Variants in NAALADL2 observed in about 807,000 individuals in gnomAD.
NAALADL2 encodes the protein N-acetylated alpha-linked acidic dipeptidase like 2.
In NAALADL2, 76 loss-of-function variants were observed where a neutral mutation model predicts 87.2. The ratio of observed to expected loss-of-function variants is 0.87; its 90% CI spans 0.72 to 1.05. NAALADL2 has a LOEUF of 1.05. Ranked by LOEUF, NAALADL2 falls within the 50% of genes least tolerant of loss-of-function variation. The probability of loss-of-function intolerance (pLI) is 0.00; values close to 1 mark genes in which losing one functional copy is unlikely to be tolerated. For missense variants in NAALADL2, 1,089 were observed against 945.8 expected (o/e 1.15, Z -1.99); for synonymous variants, 354 against 331.0 (o/e 1.07, Z -0.75).
intron 3 of NAALADL2, among the ~76,000 whole-genome samples, chr3:174,775,315 C>T (rs943509456): frequency 4.6e-5 from 7 of 151,876 alleles, no homozygotes; most frequent in African/African-American, 1.7e-4. Context: ...ATAACTCTAG[C>T]CTCTGCAAAC....
At chr3:174,813,041 A>G (rs1606876) in intron 3 of NAALADL2, among the ~76,000 whole-genome samples, 48,271 of 152,054 alleles carry the variant, frequency 0.32, 8,501 homozygotes, top group African/African-American at 0.48. Context: ...TTTATATTAT[A>G]AAGTATACAG....
intron 2 of NAALADL2, among the ~76,000 whole-genome samples, chr3:174,598,463 A>C (rs1718128212): frequency 6.6e-6 from 1 of 152,152 alleles, no homozygotes; most frequent in African/African-American, 2.4e-5. Flanking sequence ...ATTAAGTGAA[A>C]ATGGTAGATT....
Position 175,256,424 on chromosome 3 carries a change from A to G in NAALADL2, c.833A>G (p.Asp278Gly), listed in dbSNP as rs778612504. 1 of 1,610,100 alleles carries G rather than the reference A, an allele frequency of 6.2e-7. No homozygotes were observed. The highest frequency in any genetic ancestry group is 8.5e-7 in the Non-Finnish European group (1 of 1,178,208). The change falls in exon 4 of 14, where the codon GAT (aspartate) becomes GGT (glycine). Residue 278 changes from aspartate (D) to glycine (G), a missense_variant. By Grantham distance (94) the Asp-to-Gly change is moderately conservative (BLOSUM62 -1). Coordinates refer to ENST00000454872, the MANE Select transcript of NAALADL2 (RefSeq NM_207015.3). Reference sequence around the variant, plus strand: ...CTCCTCTTTCAGGCTGAAGTCATCGATGTGAGTTATGGAATGGCAGATGAT... The same window carrying G: ...CTCCTCTTTCAGGCTGAAGTCATCGGTGTGAGTTATGGAATGGCAGATGAT... The part of the protein sequence containing the change: ...AKGTLKAEVI[D>G]VSYGMADDLK...
chr3:174,619,158 A>G (rs369533258), intron 2 of NAALADL2, among the ~76,000 whole-genome samples: 3 of 152,074 alleles, frequency 2.0e-5, no homozygotes, highest in Admixed American at 6.6e-5. Flanking sequence ...AGATGGGTAG[A>G]TCACTTTGCT....
At chr3:174,992,631 A>G (rs1746890894) in intron 1 of NAALADL2, among the ~76,000 whole-genome samples, 1 of 152,026 alleles carries the variant, frequency 6.6e-6, no homozygotes, top group African/African-American at 2.4e-5. Flanking sequence ...TAATACCTTC[A>G]TCAGTTTTCT....
intron 2 of NAALADL2, among the ~76,000 whole-genome samples, chr3:174,653,724 C>A (rs1578435556): frequency 6.6e-6 from 1 of 152,034 alleles, no homozygotes; most frequent in Admixed American, 6.6e-5. Flanking sequence ...AACAAAAAAA[C>A]TTGACAAGTA....
intron 13 of NAALADL2, among the ~76,000 whole-genome samples, chr3:175,763,920 T>A (rs2150156182): frequency 6.6e-6 from 1 of 152,138 alleles, no homozygotes; most frequent in East Asian, 1.9e-4. Context: ...TTGGTGTGGC[T>A]TTGGAAAAGA....
At chr3:174,741,589 A>C (rs1733765694) in intron 3 of NAALADL2, among the ~76,000 whole-genome samples, 1 of 151,536 alleles carries the variant, frequency 6.6e-6, no homozygotes, top group African/African-American at 2.4e-5. Context: ...TTCTTTCTAA[A>C]GGTATAAAAG....
intron 1 of NAALADL2, among the ~76,000 whole-genome samples, chr3:174,918,986 A>G (rs1029750592): frequency 6.6e-6 from 1 of 152,150 alleles, no homozygotes; most frequent in Non-Finnish European, 1.5e-5. Flanking sequence ...CTCGGTGCAT[A>G]TAAATGTTAT....
At chr3:175,059,640 C>A in intron 1 of NAALADL2, 1 of 361,016 alleles carries the variant, frequency 2.8e-6, no homozygotes. Context: ...TGTTTTTTGG[C>A]TTTCTTTGAT....
intron 2 of NAALADL2, among the ~76,000 whole-genome samples, chr3:174,627,935 A>G (rs998461035): frequency 4.6e-5 from 7 of 152,184 alleles, no homozygotes; most frequent in African/African-American, 1.7e-4. Flanking sequence ...GGAGACGTCC[A>G]AAGCTGGGAG....
intron 1 of NAALADL2, among the ~76,000 whole-genome samples, chr3:174,874,399 A>C (rs530719715): frequency 6.6e-6 from 1 of 152,188 alleles, no homozygotes; most frequent in Admixed American, 6.5e-5. Flanking sequence ...ATAAGGCAGC[A>C]TGGGGATTTC....
At chr3:175,018,770 T>C (rs1751182787) in intron 1 of NAALADL2, among the ~76,000 whole-genome samples, 1 of 152,048 alleles carries the variant, frequency 6.6e-6, no homozygotes, top group Non-Finnish European at 1.5e-5. Context: ...GCCACAACAC[T>C]GCAAAAGAGC....
At chr3:175,702,178 T>C (rs1381612289) in intron 11 of NAALADL2, among the ~76,000 whole-genome samples, 1 of 152,166 alleles carries the variant, frequency 6.6e-6, no homozygotes, top group Non-Finnish European at 1.5e-5. Context: ...AGTTAATCTG[T>C]AATTCTGTTC....
At chr3:175,781,668 A>AAAG (rs1751107688) in intron 13 of NAALADL2, among the ~76,000 whole-genome samples, 3 of 151,902 alleles carry the variant, frequency 2.0e-5, no homozygotes, top group Admixed American at 2.0e-4. Context: ...AAAAAAAAAA[A>AAAG]AAGTTTAAAA....
intron 1 of NAALADL2, among the ~76,000 whole-genome samples, chr3:174,916,156 C>T (rs1184843573): frequency 6.6e-6 from 1 of 151,938 alleles, no homozygotes; most frequent in African/African-American, 2.4e-5. Flanking sequence ...AAATTAAAAC[C>T]ATGATGAGAT....
At chr3:174,816,451 A>C (rs1370038025) in intron 3 of NAALADL2, among the ~76,000 whole-genome samples, 1 of 150,196 alleles carries the variant, frequency 6.7e-6, no homozygotes, top group Non-Finnish European at 1.5e-5. Context: ...TGAGAGACAG[A>C]GGGAGAGACT....
At chr3:174,861,619 A>G (rs1579246520) in intron 1 of NAALADL2, among the ~76,000 whole-genome samples, 1 of 152,106 alleles carries the variant, frequency 6.6e-6, no homozygotes, top group African/African-American at 2.4e-5. Context: ...TGTTTTGACT[A>G]TGAGGATAAT....
At chr3:175,035,027 A>G (rs1285485566) in intron 1 of NAALADL2, among the ~76,000 whole-genome samples, 2 of 152,158 alleles carry the variant, frequency 1.3e-5, no homozygotes, top group Non-Finnish European at 2.9e-5. Flanking sequence ...TATTTGTTGA[A>G]CAGTTGAAAG....
Sources: gnomAD v4.1 joint callset for allele counts (sites outside exome capture counted in the v4.1 genomes callset) on GRCh38, gnomAD v4.1.1 for gene constraint, MANE v1.5 for transcripts, NCBI Gene and HGNC (gene_info 2026-07-23, HGNC 2026-07-21) for gene names.